Variants in TTC6 observed in about 807,000 individuals in gnomAD.
TTC6 encodes tetratricopeptide repeat domain 6.
In TTC6, 172 loss-of-function variants were observed where a neutral mutation model predicts 210.4. The ratio of observed to expected loss-of-function variants is 0.82; its 90% confidence interval spans 0.72 to 0.93. TTC6 has a LOEUF of 0.93. Among genes scored for constraint, TTC6 ranks in the 40% least tolerant of loss-of-function variants. TTC6 has a pLI of 0.00. For synonymous variants in TTC6, 804 were observed against 819.6 expected (o/e 0.98, Z 0.32); for missense variants, 2,414 against 2,318.1 (o/e 1.04, Z -0.85).
At chr14:37,826,478 A>C in intron 28 of TTC6, 131 bp downstream of exon 30, 1 of 857,576 alleles carries the variant, frequency 1.2e-6, no homozygotes, top group Non-Finnish European at 1.6e-6. Context: ...ATTTTTTTTT[A>C]ACCCAAGTGA....
At chr14:37,766,132 ATTTTAAAAG>A (rs1222584443) in intron 14 of TTC6, among the ~76,000 whole-genome samples, 1 of 152,136 alleles carries the variant, frequency 6.6e-6, no homozygotes, top group Non-Finnish European at 1.5e-5. Context: ...TCAACCATCC[ATTTTAAAAG>A]TGTTATTTCT....
At chr14:37,643,548 C>G (rs1033616491) in intron 1 of TTC6, among the ~76,000 whole-genome samples, 1 of 152,144 alleles carries the variant, frequency 6.6e-6, no homozygotes. Context: ...TCAGCATACT[C>G]ATCATCAGAT....
chr14:37,657,127 G>T (rs112442966), intron 1 of TTC6, among the ~76,000 whole-genome samples: 2 of 146,432 alleles, frequency 1.4e-5, no homozygotes, highest in Non-Finnish European at 3.0e-5. Flanking sequence ...CAGGAGAACC[G>T]CTTGAATCCG....
intron 1 of TTC6, among the ~76,000 whole-genome samples, chr14:37,648,331 A>G (rs1402765643): frequency 2.0e-5 from 3 of 152,180 alleles, no homozygotes; most frequent in African/African-American, 7.2e-5. Context: ...TTTATCATGA[A>G]TAAGTGTTGA....
chr14:37,818,831 C>A (rs1566972699), intron 26 of TTC6, among the ~76,000 whole-genome samples: 1 of 152,066 alleles, frequency 6.6e-6, no homozygotes, highest in Non-Finnish European at 1.5e-5. Flanking sequence ...AATTGTCATT[C>A]TTAAGAGATG....
At chr14:37,808,748 A>T in exon 24 of TTC6, 2 of 1,498,554 alleles carry the variant, frequency 1.3e-6, no homozygotes, top group Non-Finnish European at 1.8e-6. Context: ...TAAGCTAGCA[A>T]TTACAGATTT....
intron 10 of TTC6, among the ~76,000 whole-genome samples, chr14:37,741,588 C>A (rs912424473): frequency 1.3e-5 from 2 of 152,110 alleles, no homozygotes; most frequent in Non-Finnish European, 2.9e-5. Flanking sequence ...CCGCGCCTGG[C>A]CTTTTCTCAC....
At chr14:37,756,623 G>T (rs1188192584) in intron 14 of TTC6, among the ~76,000 whole-genome samples, 1 of 152,080 alleles carries the variant, frequency 6.6e-6, no homozygotes, top group South Asian at 2.1e-4. Flanking sequence ...TTTTGTTATT[G>T]GTTCTATTTA....
At chr14:37,688,003 A>C (rs913845488) in intron 3 of TTC6, among the ~76,000 whole-genome samples, 6 of 152,094 alleles carry the variant, frequency 3.9e-5, no homozygotes, top group Admixed American at 6.6e-5. Flanking sequence ...GGGGTCCTTG[A>C]GTCCAGGACT....
exon 7 of TTC6, chr14:37,724,970 G>C: frequency 6.6e-7 from 1 of 1,525,754 alleles, no homozygotes; most frequent in East Asian, 2.5e-5. Context: ...TCCAGAATCT[G>C]TCATGAAGGA....
chr14:37,839,738 A>T (rs1036878119), intron 29 of TTC6, among the ~76,000 whole-genome samples: 3 of 152,034 alleles, frequency 2.0e-5, no homozygotes, highest in Non-Finnish European at 4.4e-5. Context: ...TATGTCCTGT[A>T]TGGTATCGCC....
At chr14:37,673,352 G>A (rs560337683) in intron 1 of TTC6, among the ~76,000 whole-genome samples, 1 of 152,192 alleles carries the variant, frequency 6.6e-6, no homozygotes, top group African/African-American at 2.4e-5. Flanking sequence ...TATTGTTTAG[G>A]GCCATACAAT....
intron 7 of TTC6, among the ~76,000 whole-genome samples, chr14:37,733,989 A>G (rs1160557749): frequency 1.3e-5 from 2 of 151,876 alleles, no homozygotes; most frequent in Admixed American, 6.6e-5. Flanking sequence ...TAAATCTGTT[A>G]TGTTATGGTG....
intron 26 of TTC6, among the ~76,000 whole-genome samples, chr14:37,817,900 C>T (rs980516228): frequency 7.2e-5 from 11 of 152,124 alleles, no homozygotes; most frequent in Non-Finnish European, 2.9e-5. Flanking sequence ...ATGCTTCCAT[C>T]ATGGCATTGG....
intron 20 of TTC6, among the ~76,000 whole-genome samples, chr14:37,800,170 T>C (rs1276460444): frequency 6.6e-6 from 1 of 152,116 alleles, no homozygotes; most frequent in Non-Finnish European, 1.5e-5. Flanking sequence ...AGACTCTTAG[T>C]AGATACCTGG....
At chr14:37,682,262 G>T (rs1239757819) in intron 2 of TTC6, among the ~76,000 whole-genome samples, 1 of 151,708 alleles carries the variant, frequency 6.6e-6, no homozygotes. Context: ...TTAATTAACA[G>T]ATCCAGGATT....
At chr14:37,768,362 A>T (rs892304985) in intron 14 of TTC6, among the ~76,000 whole-genome samples, 1 of 151,506 alleles carries the variant, frequency 6.6e-6, no homozygotes, top group African/African-American at 2.4e-5. Flanking sequence ...CTTGATGGGG[A>T]TGGCATTGAA....
chr14:37,643,828 G>A (rs964635004), intron 1 of TTC6, among the ~76,000 whole-genome samples: 3 of 152,146 alleles, frequency 2.0e-5, no homozygotes, highest in Non-Finnish European at 4.4e-5. Flanking sequence ...TATGAAGAAA[G>A]GAAAGATTGA....
At chr14:37,650,645 C>A (rs177863) in intron 1 of TTC6, among the ~76,000 whole-genome samples, 39,634 of 152,124 alleles carry the variant, frequency 0.26, 5,850 homozygotes, top group Non-Finnish European at 0.34. Context: ...CTTCTTGTCT[C>A]TGCTAGATCT....
Sources: allele counts gnomAD v4.1 joint callset (sites outside exome capture counted in the v4.1 genomes callset), GRCh38; gene constraint gnomAD v4.1.1; transcripts MANE v1.5; gene names NCBI Gene and HGNC (gene_info 2026-07-23, HGNC 2026-07-21).